The following DPYD variants were observed in gnomAD, a reference collection of about 807,000 sequenced individuals.
DPYD encodes the protein dihydropyrimidine dehydrogenase.
DPYD carries 109 observed loss-of-function variants against 116.2 expected under a neutral mutation model. The ratio of observed to expected loss-of-function variants is 0.94; its 90% CI spans 0.80 to 1.10. The LOEUF is 1.10. Among genes scored for constraint, DPYD ranks in the 50% least tolerant of loss-of-function variants. The probability of loss-of-function intolerance (pLI) is 0.00; values close to 1 mark genes in which losing one functional copy is unlikely to be tolerated. For missense variants in DPYD, 1,302 were observed against 1,254.5 expected, an observed-to-expected ratio of 1.04 and a Z score of -0.57; for synonymous variants, 440 against 432.0, an observed-to-expected ratio of 1.02 and a Z score of -0.23.
intron 6 of DPYD, among the ~76,000 whole-genome samples, chr1:97,692,045 TA>T (rs1016398293): frequency 5.7e-4 from 87 of 152,228 alleles, no homozygotes; most frequent in Admixed American, 1.9e-3. Flanking sequence ...CAGAAAATGA[TA>T]AATATAAAAC....
intron 14 of DPYD, among the ~76,000 whole-genome samples, chr1:97,426,119 AG>A (rs1222769740): frequency 6.6e-6 from 1 of 152,036 alleles, no homozygotes; most frequent in Non-Finnish European, 1.5e-5. Flanking sequence ...GGAGGGTAGC[AG>A]AATCAGAAAT....
chr1:97,202,601 G>A lies in DPYD; in HGVS notation c.2443-9353C>T, dbSNP rs115050402. Among the ~76,000 whole-genome samples, 402 of 152,242 alleles carry A rather than the reference G, an allele frequency of 2.6e-3. 1 individual carries two copies. The highest frequency in any genetic ancestry group is 9.3e-3 in the African/African-American group (385 of 41,552). ...GCAGCATATGATGGGCCACCCACTC[G>A]ACTACTATTCAGAAGAGCATTTGTG... On this transcript the variant is annotated intron_variant, in intron 19 of 22. Transcript: ENST00000370192.
intron 11 of DPYD, among the ~76,000 whole-genome samples, chr1:97,573,011 C>G (rs939080549): frequency 6.6e-6 from 1 of 151,790 alleles, no homozygotes; most frequent in African/African-American, 2.4e-5. Context: ...TTTATTTTCC[C>G]TTCAGAAAAC....
At chr1:97,912,269 C>T (rs60078043) in intron 1 of DPYD, among the ~76,000 whole-genome samples, 2,827 of 152,112 alleles carry the variant, frequency 0.019, 91 homozygotes, top group African/African-American at 0.065. Flanking sequence ...CAGCACAATG[C>T]TTTAAGCAAA....
At chr1:97,506,329 A>G (rs1647329834) in intron 13 of DPYD, among the ~76,000 whole-genome samples, 1 of 152,002 alleles carries the variant, frequency 6.6e-6, no homozygotes, top group African/African-American at 2.4e-5. Context: ...ATGGAATTCA[A>G]TCCAACTAAT....
At chr1:97,764,358 A>C (rs1203412698) in intron 3 of DPYD, among the ~76,000 whole-genome samples, 1 of 152,084 alleles carries the variant, frequency 6.6e-6, no homozygotes, top group Non-Finnish European at 1.5e-5. Flanking sequence ...ATATTTTCCC[A>C]TTCCCTACTC....
At chr1:97,209,129 T>C (rs1293372057) in intron 19 of DPYD, among the ~76,000 whole-genome samples, 1 of 152,164 alleles carries the variant, frequency 6.6e-6, no homozygotes, top group African/African-American at 2.4e-5. Context: ...TCAATTGTTA[T>C]GCTTTGAGAG....
chr1:97,874,640 T>C (rs963955755), intron 2 of DPYD, among the ~76,000 whole-genome samples: 5 of 151,944 alleles, frequency 3.3e-5, no homozygotes, highest in Admixed American at 6.6e-5. Context: ...CTAAACTAAG[T>C]TGAACTGCAA....
intron 2 of DPYD, among the ~76,000 whole-genome samples, chr1:97,866,331 T>TA: frequency 6.6e-6 from 1 of 151,906 alleles, no homozygotes; most frequent in East Asian, 1.9e-4. Context: ...GTTAATGAGT[T>TA]AGAGGTATGA....
chr1:97,603,289 A>G (rs897787197), intron 8 of DPYD, among the ~76,000 whole-genome samples: 14 of 151,990 alleles, frequency 9.2e-5, no homozygotes, highest in Admixed American at 3.3e-4. Context: ...CTAAAAAGGA[A>G]CAGTTATATT....
chr1:97,910,833 T>G (rs1673897314), intron 1 of DPYD, among the ~76,000 whole-genome samples: 1 of 152,120 alleles, frequency 6.6e-6, no homozygotes, highest in Non-Finnish European at 1.5e-5. Flanking sequence ...ATTCATTTTG[T>G]TGTGATCTCA....
intron 13 of DPYD, among the ~76,000 whole-genome samples, chr1:97,454,853 A>G (rs1219605008): frequency 6.6e-6 from 1 of 151,950 alleles, no homozygotes; most frequent in Non-Finnish European, 1.5e-5. Flanking sequence ...ATGTCTGAGT[A>G]AGAGGCTAGA....
At chr1:97,355,994 G>A (rs766368969) in intron 16 of DPYD, among the ~76,000 whole-genome samples, 7 of 152,120 alleles carry the variant, frequency 4.6e-5, no homozygotes, top group South Asian at 2.1e-4. Flanking sequence ...TTGGTTTTTC[G>A]GGGAACTTTT....
intron 20 of DPYD, among the ~76,000 whole-genome samples, chr1:97,103,909 T>G (rs1459545226): frequency 1.3e-5 from 2 of 152,154 alleles, no homozygotes; most frequent in African/African-American, 2.4e-5. Context: ...CTGTGCTCTG[T>G]GTTTCCATGT....
intron 12 of DPYD, among the ~76,000 whole-genome samples, chr1:97,527,725 G>A (rs888977964): frequency 4.3e-5 from 6 of 141,016 alleles, no homozygotes; most frequent in Non-Finnish European, 7.6e-5. Context: ...TTGGGAAAAA[G>A]TAACTCACAT....
rs144086586 is a variant in DPYD at position 97,440,688 on chromosome 1, C to CT, written c.1905+9370dup. Among the ~76,000 whole-genome samples, 455 of 152,282 alleles carry CT rather than the reference C, an allele frequency of 3.0e-3. 8 individuals carry two copies. In the East Asian group the frequency reaches 0.046, roughly 15 times the overall value. ...AGTTGTACATTTAGCTTTATGTATGCTATAACCCCCATATTATCTTATTTT... is the reference window on the plus strand; with the variant it reads ...AGTTGTACATTTAGCTTTATGTATGCTTATAACCCCCATATTATCTTATTTT... On this transcript the variant is annotated intron_variant, in intron 14 of 22. Coordinates refer to ENST00000370192, the MANE Select transcript of DPYD (RefSeq NM_000110.4).
At chr1:97,437,748 T>C (rs750581236) in intron 14 of DPYD, among the ~76,000 whole-genome samples, 12 of 152,000 alleles carry the variant, frequency 7.9e-5, no homozygotes, top group Non-Finnish European at 5.9e-5. Flanking sequence ...TTGTATCAAA[T>C]CACATATATC....
rs192369451 is a variant in DPYD, at chr1:97,384,195, C to T, written c.1906-1734G>A. On this transcript the variant is annotated intron_variant, in intron 14 of 22. Transcript: ENST00000370192. ...GTTGCAGAGTCTAGTGGTAAGAGTC[C>T]TCTAAAAGCCACTGTGCTCTCACTA... 2.1e-3 allele frequency among the ~76,000 whole-genome samples: 315 copies of T among 151,014 alleles called. 1 individual carries two copies. Among genetic ancestry groups the T allele is most frequent in the African/African-American group, 7.4e-3 (305 of 41,108 alleles).
intron 19 of DPYD, among the ~76,000 whole-genome samples, chr1:97,196,425 T>C (rs1658816375): frequency 6.6e-6 from 1 of 152,158 alleles, no homozygotes; most frequent in Non-Finnish European, 1.5e-5. Flanking sequence ...CTGCATTTTA[T>C]TTTTTTAAAG....
Sources: gnomAD v4.1 joint callset for allele counts (sites outside exome capture counted in the v4.1 genomes callset) on GRCh38, gnomAD v4.1.1 for gene constraint, MANE v1.5 for transcripts, NCBI Gene and HGNC (gene_info 2026-07-23, HGNC 2026-07-21) for gene names.